The following DIRAS2 variants were observed in gnomAD, a reference collection of about 807,000 sequenced individuals.
DIRAS2 encodes the protein GTP-binding protein Di-Ras2.
In DIRAS2, 5 loss-of-function variants were observed where a neutral mutation model predicts 13.9. The observed-to-expected ratio is 0.36, with a 90% CI of 0.19 to 0.76. DIRAS2 has a LOEUF of 0.76. Among genes scored for constraint, DIRAS2 ranks in the 30% least tolerant of loss-of-function variants. DIRAS2 has a pLI of 0.53. For synonymous variants in DIRAS2, 111 were observed against 105.4 expected (o/e 1.05, Z -0.33); for missense variants, 191 against 263.0 (o/e 0.73, Z 1.89).
intron 1 of DIRAS2, among the ~76,000 whole-genome samples, chr9:90,617,085 T>C (rs975483395): frequency 1.3e-5 from 2 of 152,136 alleles, no homozygotes; most frequent in Admixed American, 6.5e-5. Flanking sequence ...AAGGAATAAA[T>C]GGAGGAAATA....
At chr9:90,617,405 C>A (rs1479273980) in intron 1 of DIRAS2, among the ~76,000 whole-genome samples, 3 of 152,160 alleles carry the variant, frequency 2.0e-5, no homozygotes, top group Non-Finnish European at 2.9e-5. Flanking sequence ...AACAAAAATT[C>A]TCCAGGGAGA....
intron 1 of DIRAS2, among the ~76,000 whole-genome samples, chr9:90,615,649 A>C (rs1825162277): frequency 6.6e-6 from 1 of 152,232 alleles, no homozygotes; most frequent in African/African-American, 2.4e-5. Context: ...TGGTAAGTCC[A>C]ATATGAAGAA....
chr9:90,610,354 T>C lies in DIRAS2; in HGVS notation c.*2874A>G. The C allele has an allele frequency of 2.5e-6, 1 of 399,010 alleles. No homozygotes were observed. The highest frequency in any genetic ancestry group is 4.4e-6 in the Non-Finnish European group (1 of 226,052). The allele number at this position is 399,010 out of a possible 1,614,324, so 24.7% of individuals were successfully genotyped here. On this transcript the variant is annotated 3_prime_UTR_variant, in exon 2 of 2. Transcript: ENST00000375765. ...TATATATTTTATATACATGTAATTT[T>C]AGATAGAATGAACAATTCAATATTG...
At chr9:90,622,230 C>T (rs1181952257) in intron 1 of DIRAS2, among the ~76,000 whole-genome samples, 3 of 152,122 alleles carry the variant, frequency 2.0e-5, no homozygotes, top group Non-Finnish European at 4.4e-5. Context: ...CCAGCCTGGG[C>T]AGCAGAGCAA....
In DIRAS2 at chr9:90,634,891, A is replaced by T. The variant is rs543889480; in HGVS notation, c.-37+7861T>A. Among the ~76,000 whole-genome samples the T allele has an allele frequency of 3.9e-5, 6 of 152,360 alleles. No individual in the cohort carries two copies. In the South Asian group the frequency reaches 1.2e-3, roughly 32 times the overall value. The stretch of plus-strand genomic sequence containing the variant: ...GAATAAACCTGAGACACTGAGAAAG[A>T]GGAACCACTCAAATATTCATCAGAT... On this transcript the variant is annotated intron_variant, in intron 1 of 1. Transcript: ENST00000375765.
chr9:90,618,897 C>G (rs1825193520), intron 1 of DIRAS2, among the ~76,000 whole-genome samples: 1 of 152,188 alleles, frequency 6.6e-6, no homozygotes, highest in African/African-American at 2.4e-5. Context: ...GTAATCCCAT[C>G]ACTTGGGAGG....
In DIRAS2 at chr9:90,613,300, G is replaced by C; in HGVS notation, c.528C>G (p.Leu176=). Residue 176 remains leucine (L), a synonymous_variant, in exon 2 of 2, where the codon CTC becomes CTG. Coordinates refer to ENST00000375765, the MANE Select transcript of DIRAS2 (RefSeq NM_017594.5). The surrounding 1 kb of genome is among the most constrained non-coding windows in gnomAD (Gnocchi z 5.6). ...GCTTGCTCTTTTTCCCGTCGATCTGGAGACTCACGGTCCTGCGCTTCTCCA... is the reference window on the plus strand; with the variant it reads ...GCTTGCTCTTTTTCCCGTCGATCTGCAGACTCACGGTCCTGCGCTTCTCCA... The part of the protein sequence containing the change: ...LNLEKRRTVS[L]QIDGKKSKQQ... 1 of 1,613,918 alleles carries C rather than the reference G, an allele frequency of 6.2e-7. No homozygotes were observed. The highest frequency in any genetic ancestry group is 2.2e-5 in the East Asian group (1 of 44,842).
intron 1 of DIRAS2, among the ~76,000 whole-genome samples, chr9:90,637,363 T>C (rs1377710734): frequency 6.6e-6 from 1 of 152,222 alleles, no homozygotes; most frequent in African/African-American, 2.4e-5. Context: ...GAAAACCTTA[T>C]ACTTAAATAT....
At chr9:90,638,874 A>T (rs1181150180) in intron 1 of DIRAS2, among the ~76,000 whole-genome samples, 1 of 152,136 alleles carries the variant, frequency 6.6e-6, no homozygotes, top group Non-Finnish European at 1.5e-5. Context: ...CTCAAAAGGC[A>T]CAAAAGTGCT....
intron 1 of DIRAS2, among the ~76,000 whole-genome samples, chr9:90,618,666 T>C (rs1329487909): frequency 2.6e-5 from 4 of 152,154 alleles, no homozygotes; most frequent in African/African-American, 9.7e-5. Flanking sequence ...AGTTCTGGTA[T>C]ATACAAAGAA....
intron 1 of DIRAS2, among the ~76,000 whole-genome samples, chr9:90,626,770 G>T (rs1331384606): frequency 6.6e-6 from 1 of 152,146 alleles, no homozygotes; most frequent in Non-Finnish European, 1.5e-5. Flanking sequence ...GAAAAGAAAC[G>T]AAAGCGGGGA....
intron 1 of DIRAS2, among the ~76,000 whole-genome samples, chr9:90,630,154 G>A (rs1305042560): frequency 1.3e-5 from 2 of 152,048 alleles, no homozygotes; most frequent in East Asian, 3.9e-4. Flanking sequence ...AGGGACTTTT[G>A]GTTCATTCTC....
chr9:90,641,110 A>T (rs899727846), intron 1 of DIRAS2, among the ~76,000 whole-genome samples: 114 of 152,064 alleles, frequency 7.5e-4, no homozygotes, highest in South Asian at 3.1e-3. Flanking sequence ...TAATTTTTTT[A>T]AAAAAAAGGT....
chr9:90,629,047 G>C (rs892601904), intron 1 of DIRAS2, among the ~76,000 whole-genome samples: 18 of 151,206 alleles, frequency 1.2e-4, no homozygotes, highest in African/African-American at 4.4e-4. Flanking sequence ...GTAGAGACGG[G>C]GTTTCACCGT....
chr9:90,629,122 A>G lies in DIRAS2; in HGVS notation c.-37+13630T>C, dbSNP rs545111819. 2.0e-5 allele frequency among the ~76,000 whole-genome samples: 3 copies of G among 152,234 alleles called. No homozygotes were observed. In the South Asian group the frequency reaches 6.2e-4, roughly 32 times the overall value. ...GCCCGCCTCGGCCTCCCAAAGTGTT[A>G]GGATTACAGGCGTGAGCCACCACGC... On this transcript the variant is annotated intron_variant, in intron 1 of 1. Coordinates refer to ENST00000375765, the MANE Select transcript of DIRAS2 (RefSeq NM_017594.5).
chr9:90,642,616 C>T (rs2118595825), intron 1 of DIRAS2, 136 bp downstream of exon 1: 1 of 153,170 alleles, frequency 6.5e-6, no homozygotes, highest in South Asian at 2.1e-4. Flanking sequence ...CCCCTCTTAC[C>T]AACTCCAGTA....
chr9:90,630,828 C>A (rs1205976621), intron 1 of DIRAS2, among the ~76,000 whole-genome samples: 1 of 152,130 alleles, frequency 6.6e-6, no homozygotes, highest in Non-Finnish European at 1.5e-5. Context: ...AGACACAGTA[C>A]CTGCTTTGGA....
chr9:90,610,255 A>G lies in DIRAS2; in HGVS notation c.*2973T>C. The G allele has an allele frequency of 2.5e-6, 1 of 394,460 alleles. No individual in the cohort carries two copies. Among genetic ancestry groups the G allele is most frequent in the Non-Finnish European group, 4.5e-6 (1 of 224,298 alleles). The allele number at this position is 394,460 out of a possible 1,614,324, so 24.4% of individuals were successfully genotyped here. On this transcript the variant is annotated 3_prime_UTR_variant, in exon 2 of 2. Transcript: ENST00000375765. ...TGAGCATTTCTTAAATATTACAAAC[A>G]GTGAAACAAATATACTAGCTTACAG...
intron 1 of DIRAS2, among the ~76,000 whole-genome samples, chr9:90,624,912 C>T (rs1003959323): frequency 3.9e-5 from 6 of 152,058 alleles, no homozygotes; most frequent in Admixed American, 2.0e-4. Context: ...TAGGTGTGAG[C>T]CCCCACACCT....
Sources: allele counts gnomAD v4.1 joint callset (sites outside exome capture counted in the v4.1 genomes callset), GRCh38; gene constraint gnomAD v4.1.1; non-coding constraint Gnocchi (gnomAD v3.1); transcripts MANE v1.5; gene names NCBI Gene and HGNC (gene_info 2026-07-23, HGNC 2026-07-21).